Variants in DHX37 observed in about 807,000 individuals in gnomAD.
The protein encoded by DHX37 is DEAH-box helicase 37, also known as probable ATP-dependent RNA helicase DHX37.
A neutral mutation model predicts 134.3 loss-of-function variants in DHX37; 52 were observed. The ratio of observed to expected loss-of-function variants is 0.39; its 90% CI spans 0.31 to 0.49. The LOEUF (loss-of-function observed/expected upper bound fraction) is 0.49, where lower values mean the gene tolerates loss of function less well. Among genes scored for constraint, DHX37 ranks in the 20% least tolerant of loss-of-function variants. The probability of loss-of-function intolerance (pLI) is 0.93; values close to 1 mark genes in which losing one functional copy is unlikely to be tolerated. For synonymous variants in DHX37, 634 were observed against 670.7 expected, an observed-to-expected ratio of 0.95 and a Z score of 0.85; for missense variants, 1,344 against 1,580.8, an observed-to-expected ratio of 0.85 and a Z score of 2.54.
In DHX37 at chr12:124,950,181, T is replaced by C. The variant is rs775013263; in HGVS notation, c.3184A>G (p.Lys1062Glu). The C allele has an allele frequency of 1.9e-6, 3 of 1,614,004 alleles. No homozygotes were observed. In the African/African-American group the frequency reaches 4.0e-5, roughly 22 times the overall value. The part of the protein sequence containing the change: ...VDFPEGIDRY[K>E]HFARFLLEGQ... ...TCCAGCAGGAACCGGGCAAAGTGCTTGTAGCGGTCAATCCCCTCTGGAAAA... is the reference window on the plus strand; with the variant it reads ...TCCAGCAGGAACCGGGCAAAGTGCTCGTAGCGGTCAATCCCCTCTGGAAAA... Residue 1062 changes from lysine to glutamate, a missense_variant, in exon 24 of 27, where the codon AAG (lysine) becomes GAG (glutamate). Physicochemically the swap from Lys to Glu is moderately conservative, Grantham distance 56. Around this residue, in one of 7 missense-constraint regions of DHX37, gnomAD observed 558 missense variants for 650.0 expected, o/e 0.86. Coordinates refer to ENST00000308736, the MANE Select transcript of DHX37 (RefSeq NM_032656.4).
intron 4 of DHX37, among the ~76,000 whole-genome samples, chr12:124,978,528 G>A (rs1342781804): frequency 6.6e-6 from 1 of 151,334 alleles, no homozygotes; most frequent in Non-Finnish European, 1.5e-5. Flanking sequence ...ACGTTGGCCA[G>A]GCTGGTGTCA....
rs1264574985 is a variant in DHX37, at chr12:124,950,795, G to A, written c.2878C>T (p.Leu960Phe). 1 of 1,606,336 alleles carries A rather than the reference G, an allele frequency of 6.2e-7. No individual in the cohort carries two copies. The highest frequency in any genetic ancestry group is 8.5e-7 in the Non-Finnish European group (1 of 1,177,862). ...GGGTGGATGAAGACAGGGTCGTCGAGGAGAGGGGTCTGCAGAGAATGGAGA... is the reference window on the plus strand; with the variant it reads ...GGGTGGATGAAGACAGGGTCGTCGAAGAGAGGGGTCTGCAGAGAATGGAGA... ...KWRNAYKTPL[L>F]DDPVFIHPSS... Residue 960 changes from leucine (L) to phenylalanine (F), a missense_variant, in exon 22 of 27, where the codon CTC becomes TTC. Physicochemically the swap from Leu to Phe is conservative, Grantham distance 22 (BLOSUM62 0). Transcript: ENST00000308736.
intron 16 of DHX37, among the ~76,000 whole-genome samples, chr12:124,957,421 C>T (rs1441217149): frequency 1.3e-5 from 2 of 152,208 alleles, no homozygotes; most frequent in Non-Finnish European, 2.9e-5. Flanking sequence ...CGGTTTTTAA[C>T]AGACTATTAT....
chr12:124,965,388 T>C (rs928824892), intron 13 of DHX37, among the ~76,000 whole-genome samples: 1 of 152,214 alleles, frequency 6.6e-6, no homozygotes, highest in Non-Finnish European at 1.5e-5. Flanking sequence ...AGCAGGGCAC[T>C]GGGTCTGCCT....
intron 13 of DHX37, 92 bp downstream of exon 13, chr12:124,965,576 A>G: frequency 6.8e-7 from 1 of 1,464,324 alleles, no homozygotes; most frequent in South Asian, 1.5e-5. Context: ...AAGCTGCTAG[A>G]ACCCCGGCCC....
chr12:124,952,662 C>T (rs1412442619), intron 20 of DHX37, 92 bp from the exon 21 acceptor site: 2 of 1,336,830 alleles, frequency 1.5e-6, no homozygotes, highest in Non-Finnish European at 2.0e-6. Context: ...ATGCTCAGTG[C>T]TCTAGCCTCA....
At position 124,980,677 on chromosome 12, in the gene DHX37, G is replaced by T. The variant is rs1360241422; in HGVS notation, c.551C>A (p.Ala184Asp). The T allele has an allele frequency of 4.4e-6, 7 of 1,594,094 alleles. No individual in the cohort carries two copies. Among genetic ancestry groups the T allele is most frequent in the Non-Finnish European group, 6.0e-6 (7 of 1,172,062 alleles). Residue 184 changes from alanine (A) to aspartate (D), a missense_variant, in exon 4 of 27, where the codon GCT (alanine) becomes GAT (aspartate). By Grantham distance (126) the Ala-to-Asp change is moderately radical. Transcript: ENST00000308736. This position sits in a 1 kb window ranked among gnomAD's most constrained non-coding sequence, Gnocchi z 5.3. ...EEESELDEDP[A>D]AEPAEAGVGT... ...CACACCAGCCTCAGCCGGCTCAGCA[G>T]CTGGGTCCTCGTCCAGCTCCGACTC...
At chr12:124,964,763 T>C in intron 14 of DHX37, 137 bp from the exon 15 acceptor site, 1 of 1,469,884 alleles carries the variant, frequency 6.8e-7, no homozygotes, top group Non-Finnish European at 9.1e-7. Flanking sequence ...TGGGGCCCAG[T>C]GCCTTGGGGG....
rs1430212393 is a variant in DHX37, at chr12:124,968,450, C to T, written c.1408+84G>A. On this transcript the variant is annotated intron_variant, in intron 10 of 26. Coordinates refer to ENST00000308736, the MANE Select transcript of DHX37 (RefSeq NM_032656.4). ...GGTCAAGGGACTTTTCTGAGCCACT[C>T]GGAGATGGGCCCTCCCACACTCGTG... The T allele has an allele frequency of 1.5e-5, 23 of 1,571,550 alleles. 1 individual carries two copies. In the Middle Eastern group the frequency reaches 5.1e-4, roughly 35 times the overall value.
Position 124,957,049 on chromosome 12 carries a change from T to C in DHX37, c.2244A>G (p.Gln748=), listed in dbSNP as rs1954113463. 1 of 1,512,914 alleles carries C rather than the reference T, an allele frequency of 6.6e-7. No individual in the cohort carries two copies. Among genetic ancestry groups the C allele is most frequent in the Non-Finnish European group, 8.8e-7 (1 of 1,134,630 alleles). The allele number at this position is 1,512,914 out of a possible 1,614,324, so 93.7% of individuals were successfully genotyped here. A position where few individuals can be genotyped will look rare whatever the true frequency, so the allele number is the denominator to read the frequency against. Residue 748 remains glutamine (Q), a synonymous_variant, in exon 17 of 27, where the codon CAA becomes CAG. Coordinates refer to ENST00000308736, the MANE Select transcript of DHX37 (RefSeq NM_032656.4). ...CTTACCTTTCTGCTTTCTGGGGCGG[T>C]TGCAGGGCACCCAGTGCGATCAACA... The part of the protein sequence containing the change: ...EELLIALGAL[Q]PPQKAERVKQ...
At chr12:124,950,637 C>T in intron 22 of DHX37, 53 bp downstream of exon 22, 1 of 1,594,650 alleles carries the variant, frequency 6.3e-7, no homozygotes, top group South Asian at 1.1e-5. Flanking sequence ...CCCAGCCACA[C>T]CCCCATTAGC....
chr12:124,969,289 G>A (rs1001837650), intron 8 of DHX37, among the ~76,000 whole-genome samples: 4 of 152,148 alleles, frequency 2.6e-5, no homozygotes, highest in African/African-American at 9.7e-5. Flanking sequence ...GGGGGCTCAG[G>A]GAAGAGCTGC....
At position 124,982,594 on chromosome 12, in the gene DHX37, T is replaced by C. The variant is rs187379342; in HGVS notation, c.306A>G (p.Glu102=). 9 of 1,613,626 alleles carry C rather than the reference T, an allele frequency of 5.6e-6. No individual in the cohort carries two copies. The Admixed American group carries it at 1.5e-4, about 27-fold the overall frequency. The change falls in exon 3 of 27, where the codon GAA becomes GAG. Residue 102 remains glutamate (E), a synonymous_variant. Coordinates refer to ENST00000308736, the MANE Select transcript of DHX37 (RefSeq NM_032656.4). The part of the protein sequence containing the change: ...QRAEMLQKLS[E]VQASEAEMRL... Reference sequence around the variant, plus strand: ...TCATCTCAGCTTCGGAAGCCTGGACTTCACTCAGCTTCTGTAGCATCTCTG... The same window carrying C: ...TCATCTCAGCTTCGGAAGCCTGGACCTCACTCAGCTTCTGTAGCATCTCTG...
intron 16 of DHX37, 100 bp from the exon 17 acceptor site, chr12:124,957,235 C>G: frequency 8.8e-7 from 1 of 1,137,416 alleles, no homozygotes; most frequent in Non-Finnish European, 1.2e-6. Context: ...ACCCCTCTCT[C>G]CGGGCTCAGC....
intron 16 of DHX37, among the ~76,000 whole-genome samples, chr12:124,958,285 A>G (rs11830700): frequency 0.16 from 23,669 of 152,206 alleles, 4,680 homozygotes; most frequent in African/African-American, 0.47. Context: ...CACGCAGGTA[A>G]GGAGGCAATG....
chr12:124,975,633 A>G, intron 5 of DHX37, 122 bp from the exon 6 acceptor site: 2 of 1,007,758 alleles, frequency 2.0e-6, no homozygotes, highest in Non-Finnish European at 2.9e-6. Flanking sequence ...GGCGGTGGGA[A>G]ACAGTGCCAG....
Position 124,948,351 on chromosome 12 carries a change from G to A in DHX37, c.3291-170C>T, listed in dbSNP as rs891914276. On this transcript the variant is annotated intron_variant, in intron 25 of 26. Transcript: ENST00000308736. ...TGTAGCCCCAGTTACTCAGGGGGCT[G>A]AAGTAGGAGGATCCCTTGAGCCTGG... 4 of 1,206,808 alleles carry A rather than the reference G, an allele frequency of 3.3e-6. No homozygotes were observed. In the African/African-American group the frequency reaches 6.1e-5, roughly 18 times the overall value. The allele number at this position is 1,206,808 out of a possible 1,614,324, so 74.8% of individuals were successfully genotyped here. A position where few individuals can be genotyped will look rare whatever the true frequency, so the allele number is the denominator to read the frequency against.
rs371500344 is a variant in DHX37 at position 124,953,641 on chromosome 12, G to A, written c.2695+239C>T. 1.1e-4 allele frequency: 72 copies of A among 638,466 alleles called. No homozygotes were observed. In the African/African-American group the frequency reaches 1.2e-3, roughly 11 times the overall value. The allele number at this position is 638,466 out of a possible 1,614,324, so 39.6% of individuals were successfully genotyped here. On this transcript the variant is annotated intron_variant, in intron 20 of 26. Transcript: ENST00000308736. ...GTATCGCCAGGGAAAAGGTGAAACC[G>A]AGCGACGACCTGGTGGGGGAGGGTG...
chr12:124,986,015 G>T (rs1169510413), intron 2 of DHX37, 81 bp downstream of exon 2: 2 of 1,549,862 alleles, frequency 1.3e-6, no homozygotes, highest in African/African-American at 2.8e-5. Flanking sequence ...GCACCACAGA[G>T]ACACCCTCAG....
Sources: allele counts gnomAD v4.1 joint callset (sites outside exome capture counted in the v4.1 genomes callset), GRCh38; gene constraint gnomAD v4.1.1; regional missense constraint gnomAD v4.1.1; non-coding constraint Gnocchi (gnomAD v3.1); transcripts MANE v1.5; gene names NCBI Gene and HGNC (gene_info 2026-07-23, HGNC 2026-07-21).